Variants in GALNT9 observed in about 807,000 individuals in gnomAD.
GALNT9 encodes the protein GalNAc transferase 9.
In GALNT9, 47 loss-of-function variants were observed where a neutral mutation model predicts 63.1. The ratio of observed to expected loss-of-function variants is 0.75; its 90% CI spans 0.59 to 0.95. The LOEUF is 0.95. GALNT9 is among the 40% of genes least tolerant of loss of function. GALNT9 has a pLI of 0.00. For missense variants in GALNT9, 829 were observed against 874.8 expected, an observed-to-expected ratio of 0.95 and a Z score of 0.66; for synonymous variants, 396 against 365.7, an observed-to-expected ratio of 1.08 and a Z score of -0.94.
At chr12:132,309,451 G>A (rs1434079087) in intron 1 of GALNT9, among the ~76,000 whole-genome samples, 1 of 152,238 alleles carries the variant, frequency 6.6e-6, no homozygotes, top group African/African-American at 2.4e-5. Flanking sequence ...GGATGTGGGA[G>A]TAAGGTCTTT....
At chr12:132,243,321 C>A (rs111894961) in intron 6 of GALNT9, among the ~76,000 whole-genome samples, 4,344 of 97,236 alleles carry the variant, frequency 0.045, 169 homozygotes, top group Middle Eastern at 0.14. Context: ...TACACACACA[C>A]CACACACCCT....
intron 6 of GALNT9, among the ~76,000 whole-genome samples, chr12:132,230,533 G>A (rs1877850717): frequency 6.6e-6 from 1 of 152,058 alleles, no homozygotes; most frequent in African/African-American, 2.4e-5. Flanking sequence ...AGGCCACGCT[G>A]CCTGGCCCTC....
chr12:132,325,285 C>T (rs369585003), intron 1 of GALNT9, among the ~76,000 whole-genome samples: 28 of 152,360 alleles, frequency 1.8e-4, no homozygotes, highest in African/African-American at 6.7e-4. Flanking sequence ...AAAACCCTCT[C>T]GCTTGCTCAC....
At position 132,213,743 on chromosome 12, in the gene GALNT9, T is replaced by C. The variant is rs118172353; in HGVS notation, c.1078-10053A>G. On this transcript the variant is annotated intron_variant, in intron 6 of 10. Coordinates refer to ENST00000328957, the MANE Select transcript of GALNT9 (RefSeq NM_001122636.2). ...TGTTCAGGGGACATGAGGCCCACTG[T>C]GGCCTCTGCATTCTCCAGGTGGCAC... is the stretch of plus-strand genomic sequence containing the variant. Among the ~76,000 whole-genome samples the C allele has an allele frequency of 4.5e-3, 680 of 152,360 alleles. 17 individuals carry two copies. In the East Asian group the frequency reaches 0.068, roughly 15 times the overall value.
At chr12:132,291,003 G>A (rs1292252670) in intron 1 of GALNT9, among the ~76,000 whole-genome samples, 107 of 28,270 alleles carry the variant, frequency 3.8e-3, no homozygotes, top group Non-Finnish European at 4.5e-3. Context: ...CAACCACAGT[G>A]CCCACGTCCA....
At chr12:132,249,630 A>G (rs1273209856) in intron 5 of GALNT9, among the ~76,000 whole-genome samples, 7 of 152,248 alleles carry the variant, frequency 4.6e-5, no homozygotes, top group Admixed American at 1.3e-4. Flanking sequence ...AACAACAACC[A>G]TCATTTCAGG....
chr12:132,322,338 C>T (rs1038979549), intron 1 of GALNT9, among the ~76,000 whole-genome samples: 9 of 152,238 alleles, frequency 5.9e-5, no homozygotes, highest in Non-Finnish European at 1.2e-4. Context: ...TGCTCAGGCC[C>T]GCGTCCTCAG....
intron 1 of GALNT9, among the ~76,000 whole-genome samples, chr12:132,322,084 G>A (rs1244779401): frequency 6.6e-6 from 1 of 152,178 alleles, no homozygotes; most frequent in Non-Finnish European, 1.5e-5. Flanking sequence ...CTGGCTGAGG[G>A]CATCTTATCT....
In GALNT9 at chr12:132,329,544, C is replaced by T. The variant is rs1593129774; in HGVS notation, c.-341G>A. On this transcript the variant is annotated 5_prime_UTR_variant, in exon 1 of 11. Coordinates refer to ENST00000328957, the MANE Select transcript of GALNT9 (RefSeq NM_001122636.2). The stretch of plus-strand genomic sequence containing the variant: ...GGGCGGCGCTCGGTGTCTGTGCCGG[C>T]TCCTGTCCTGCCCGCCCCGCAGCCA... 6.8e-6 allele frequency among the ~76,000 whole-genome samples: 1 copy of T among 147,316 alleles called. No individual in the cohort carries two copies. The highest frequency in any genetic ancestry group is 2.0e-4 in the East Asian group (1 of 5,090).
At chr12:132,326,819 C>A (rs1869056185) in intron 1 of GALNT9, among the ~76,000 whole-genome samples, 1 of 152,248 alleles carries the variant, frequency 6.6e-6, no homozygotes, top group South Asian at 2.1e-4. Flanking sequence ...GAGCTTCTTA[C>A]ACACCTTTTA....
chr12:132,269,872 C>T (rs1435022936), intron 2 of GALNT9, among the ~76,000 whole-genome samples: 1 of 152,148 alleles, frequency 6.6e-6, no homozygotes, highest in Non-Finnish European at 1.5e-5. Context: ...GATGGGCGCA[C>T]GGGATCAGCC....
intron 6 of GALNT9, among the ~76,000 whole-genome samples, chr12:132,212,208 A>C (rs1184392652): frequency 6.8e-6 from 1 of 146,908 alleles, no homozygotes; most frequent in Non-Finnish European, 1.5e-5. Context: ...TCGACACGGA[A>C]ACCCCACCCG....
At position 132,286,414 on chromosome 12, in the gene GALNT9, G is replaced by A. The variant is rs1266294536; in HGVS notation, c.255C>T (p.Ile85=). 38 of 1,549,964 alleles carry A rather than the reference G, an allele frequency of 2.5e-5. No homozygotes were observed. Among genetic ancestry groups the A allele is most frequent in the Non-Finnish European group, 2.7e-5 (31 of 1,146,622 alleles). ...GGCCTCCTGGCCCCTCCACCAGGCC[G>A]ATGGGCTTGGCAAGGCCTGGGGGAA... ...YNQLNGLAKP[I]GLVEGPGGLG... is the part of the protein sequence containing the mutation. Residue 85 remains isoleucine (I), a synonymous_variant, in exon 2 of 11, where the codon ATC becomes ATT. Transcript: ENST00000328957. The surrounding 1 kb of genome is among the most constrained non-coding windows in gnomAD (Gnocchi z 7.4).
At chr12:132,208,039 T>C (rs1195349623) in intron 6 of GALNT9, among the ~76,000 whole-genome samples, 1 of 152,190 alleles carries the variant, frequency 6.6e-6, no homozygotes, top group Non-Finnish European at 1.5e-5. Context: ...CAGGGACCAG[T>C]ATATCATCTG....
At chr12:132,300,543 C>A (rs1555243750) in intron 1 of GALNT9, among the ~76,000 whole-genome samples, 1 of 139,002 alleles carries the variant, frequency 7.2e-6, no homozygotes, top group East Asian at 2.2e-4. Context: ...ATAACTCACT[C>A]CCATAACTCA....
Position 132,310,729 on chromosome 12 carries a change from C to G in GALNT9, c.238+18237G>C, listed in dbSNP as rs528629029. 1.3e-5 allele frequency among the ~76,000 whole-genome samples: 2 copies of G among 152,240 alleles called. No homozygotes were observed. The highest frequency in any genetic ancestry group is 2.1e-4 in the South Asian group (1 of 4,820). ...GCACAAATTGAGAGGCGGCCGGGCACAAGATAATCGGGGAGGAAGGGGCAG... is the reference window on the plus strand; with the variant it reads ...GCACAAATTGAGAGGCGGCCGGGCAGAAGATAATCGGGGAGGAAGGGGCAG... On this transcript the variant is annotated intron_variant, in intron 1 of 10. Transcript: ENST00000328957. The surrounding 1 kb of genome is among the most constrained non-coding windows in gnomAD (Gnocchi z 4.8).
chr12:132,219,693 C>G (rs946974326), intron 6 of GALNT9, among the ~76,000 whole-genome samples: 3 of 151,068 alleles, frequency 2.0e-5, no homozygotes, highest in Non-Finnish European at 4.4e-5. Flanking sequence ...GGGTGACACC[C>G]GCCCGGGTAA....
At chr12:132,272,139 G>A (rs1310586478) in intron 2 of GALNT9, among the ~76,000 whole-genome samples, 2 of 152,210 alleles carry the variant, frequency 1.3e-5, no homozygotes, top group African/African-American at 4.8e-5. Context: ...GGGGACAGAT[G>A]CACGGCGGGG....
In GALNT9 at chr12:132,246,065, G is replaced by A. The variant is rs184247149; in HGVS notation, c.1077+1845C>T. 1.3e-5 allele frequency among the ~76,000 whole-genome samples: 2 copies of A among 152,344 alleles called. No individual in the cohort carries two copies. Among genetic ancestry groups the A allele is most frequent in the East Asian group, 3.9e-4 (2 of 5,186 alleles). On this transcript the variant is annotated intron_variant, in intron 6 of 10. Coordinates refer to ENST00000328957, the MANE Select transcript of GALNT9 (RefSeq NM_001122636.2). The surrounding 1 kb of genome is among the most constrained non-coding windows in gnomAD (Gnocchi z 4.7). ...TCTTAGGCCCCTGACTGCTGGCCTGGTCTCCTGCCCCACAGGGTGAGCATC... is the reference window on the plus strand; with the variant it reads ...TCTTAGGCCCCTGACTGCTGGCCTGATCTCCTGCCCCACAGGGTGAGCATC...
Sources: gnomAD v4.1 joint callset for allele counts (sites outside exome capture counted in the v4.1 genomes callset) on GRCh38, gnomAD v4.1.1 for gene constraint, Gnocchi (gnomAD v3.1) non-coding constraint, MANE v1.5 for transcripts, NCBI Gene and HGNC (gene_info 2026-07-23, HGNC 2026-07-21) for gene names.